The following EXOC7 variants were observed in gnomAD, a reference collection of about 807,000 sequenced individuals.
EXOC7 encodes the protein exocyst complex component Exo70.
Under a neutral mutation model 87.6 loss-of-function variants are expected in EXOC7, and 51 were observed. That is an observed-to-expected ratio of 0.58 (90% CI 0.46 to 0.73). The LOEUF is 0.73. Ranked by LOEUF, EXOC7 falls within the 30% of genes least tolerant of loss-of-function variation. EXOC7 has a pLI of 0.00. For synonymous variants in EXOC7, 327 were observed against 357.1 expected, an observed-to-expected ratio of 0.92 and a Z score of 0.95; for missense variants, 744 against 888.4, an observed-to-expected ratio of 0.84 and a Z score of 2.07.
rs973386279 is a variant in EXOC7 at position 76,088,506 on chromosome 17, G to A, written c.1257C>T (p.Thr419=). 2 of 1,614,092 alleles carry A rather than the reference G, an allele frequency of 1.2e-6. No individual in the cohort carries two copies. The highest frequency in any genetic ancestry group is 1.7e-6 in the Non-Finnish European group (2 of 1,180,002). The part of the protein sequence containing the change: ...KLPGLITSME[T]IGAKALEDFA... ...AGTCCTCCAGCGCTTTGGCACCGAT[G>A]GTCTCCATGGATGTGATGAGGCCAG... Residue 419 remains threonine (T), a synonymous_variant, in exon 10 of 19, where the codon ACC becomes ACT. Coordinates refer to ENST00000589210, the MANE Select transcript of EXOC7 (RefSeq NM_001013839.4).
At chr17:76,098,644 A>C (rs1278920826) in intron 4 of EXOC7, among the ~76,000 whole-genome samples, 1 of 150,644 alleles carries the variant, frequency 6.6e-6, no homozygotes, top group Non-Finnish European at 1.5e-5. Flanking sequence ...GGCAGATCAC[A>C]AGGTCAGGAG....
At chr17:76,095,031 G>A (rs2067683289) in intron 5 of EXOC7, among the ~76,000 whole-genome samples, 1 of 151,820 alleles carries the variant, frequency 6.6e-6, no homozygotes, top group Non-Finnish European at 1.5e-5. Context: ...TGTGATCTTG[G>A]CTCACCGCAA....
In EXOC7 at chr17:76,103,666, A is replaced by G. The variant is rs1434945744; in HGVS notation, c.27T>C (p.Ala9=). The G allele has an allele frequency of 1.2e-6, 2 of 1,613,116 alleles. No homozygotes were observed. The highest frequency in any genetic ancestry group is 1.7e-6 in the Non-Finnish European group (2 of 1,179,690). ...GCTTGTCCTCAATCTCCCGCCGTCG[A>G]GCGGATGCCTCCTGTGGGGGAATCA... MIPPQEAS[A]RRREIEDKLK... is the part of the protein sequence containing the mutation. Residue 9 remains alanine (A), a synonymous_variant, in exon 1 of 19, where the codon GCT becomes GCC. Transcript: ENST00000589210.
chr17:76,094,789 A>G (rs529894856), intron 5 of EXOC7, among the ~76,000 whole-genome samples: 1 of 150,086 alleles, frequency 6.7e-6, no homozygotes, highest in African/African-American at 2.5e-5. Flanking sequence ...TCTGTTGCCC[A>G]GGCTGCAGTG....
intron 2 of EXOC7, among the ~76,000 whole-genome samples, chr17:76,102,855 G>A (rs149692989): frequency 0.011 from 1,628 of 152,288 alleles, 30 homozygotes; most frequent in African/African-American, 0.037. Flanking sequence ...TGTTTTAGCA[G>A]ATGAATTCGC....
In EXOC7 at chr17:76,082,007, G is replaced by C; in HGVS notation, c.*1641C>G. ...CGGCCCCAGCCCAGCCCCGAGAGGGGAACAGCGAGAGCACGGCAACCCAGG... is the reference window on the plus strand; with the variant it reads ...CGGCCCCAGCCCAGCCCCGAGAGGGCAACAGCGAGAGCACGGCAACCCAGG... On this transcript the variant is annotated 3_prime_UTR_variant, in exon 19 of 19. Transcript: ENST00000589210. 6.2e-7 allele frequency: 1 copy of C among 1,611,542 alleles called. No individual in the cohort carries two copies. The highest frequency in any genetic ancestry group is 8.5e-7 in the Non-Finnish European group (1 of 1,179,480).
chr17:76,081,626 G>T lies in EXOC7; in HGVS notation c.*2022C>A, dbSNP rs146722649. ...GGCACTGCTGTTGGCTGACGTGTGC[G>T]GGGGGTTGCTGCCCCTCCGGGCCAT... On this transcript the variant is annotated 3_prime_UTR_variant, in exon 19 of 19. Transcript: ENST00000589210. The T allele has an allele frequency of 6.2e-7, 1 of 1,614,058 alleles. No homozygotes were observed.
At chr17:76,084,332 C>G (rs768862053) in intron 16 of EXOC7, 43 bp from the exon 17 acceptor site, 30 of 1,613,248 alleles carry the variant, frequency 1.9e-5, no homozygotes, top group Non-Finnish European at 2.5e-5. Context: ...CACTTCAGAG[C>G]AGAGCAGCCT....
chr17:76,098,182 G>A (rs2067875021), intron 4 of EXOC7, 164 bp from the exon 5 acceptor site: 1 of 603,768 alleles, frequency 1.7e-6, no homozygotes, highest in Non-Finnish European at 2.9e-6. Context: ...CTGTCACCAG[G>A]CTGGAGTGCA....
rs368762468 is a variant in EXOC7, at chr17:76,097,943, C to A, written c.493G>T (p.Val165Phe). ...AGATCCAAGATGAGCACGGGCGAGA[C>A]GACCTTACTGTGCCGCGTCATCAGG... Reference protein sequence around the residue: ...RSLMTRHSKVVSPVLILDLIS... With the variant: ...RSLMTRHSKVFSPVLILDLIS... Residue 165 changes from valine to phenylalanine, a missense_variant, in exon 5 of 19, where the codon GTC (valine) becomes TTC (phenylalanine). Val to Phe is a conservative substitution (Grantham distance 50, BLOSUM62 -1). This residue lies in a region of EXOC7 where 512 missense variants were observed against 573.0 expected (regional missense o/e 0.89). Transcript: ENST00000589210. 1.9e-6 allele frequency: 3 copies of A among 1,614,064 alleles called. No individual in the cohort carries two copies. Among genetic ancestry groups the A allele is most frequent in the Middle Eastern group, 1.6e-4 (1 of 6,062 alleles).
In EXOC7 at chr17:76,103,282, G is replaced by A. The variant is rs769240779; in HGVS notation, c.126+79C>T. Reference sequence around the variant, plus strand: ...CCCATTCCAGAACTCCAGGCCGCAGGAACCGGAACCGCCAGGTCGCAAGGC... The same window carrying A: ...CCCATTCCAGAACTCCAGGCCGCAGAAACCGGAACCGCCAGGTCGCAAGGC... On this transcript the variant is annotated intron_variant, in intron 2 of 18. Transcript: ENST00000589210. 621 of 1,367,870 alleles carry A rather than the reference G, an allele frequency of 4.5e-4. 3 individuals carry two copies. Among genetic ancestry groups the A allele is most frequent in the Middle Eastern group, 9.9e-4 (5 of 5,032 alleles). 84.7% of individuals were successfully genotyped at this position (1,367,870 alleles called of 1,614,324 possible).
chr17:76,103,309 C>T, intron 2 of EXOC7, 52 bp downstream of exon 2: 2 of 1,528,412 alleles, frequency 1.3e-6, no homozygotes, highest in Admixed American at 3.9e-5. Context: ...TCGCAAGGCT[C>T]TCCCCCAGGG....
chr17:76,095,607 A>T (rs1339939833), intron 5 of EXOC7, among the ~76,000 whole-genome samples: 1 of 152,234 alleles, frequency 6.6e-6, no homozygotes, highest in East Asian at 1.9e-4. Context: ...AAATTAAAAA[A>T]ATTAGAGGAC....
intron 2 of EXOC7, among the ~76,000 whole-genome samples, chr17:76,102,506 C>G (rs1265051612): frequency 6.6e-6 from 1 of 151,418 alleles, no homozygotes; most frequent in Non-Finnish European, 1.5e-5. Context: ...GCTAGGAGGC[C>G]GAGGCAGGAG....
chr17:76,096,937 C>A (rs904303615), intron 5 of EXOC7, among the ~76,000 whole-genome samples: 1 of 152,110 alleles, frequency 6.6e-6, no homozygotes, highest in Non-Finnish European at 1.5e-5. Context: ...GCAACCTCCA[C>A]CTCCCAGGCT....
rs564905386 is a variant in EXOC7, at chr17:76,081,517, G to A, written c.*2131C>T. 21 of 1,611,102 alleles carry A rather than the reference G, an allele frequency of 1.3e-5. No individual in the cohort carries two copies. Among genetic ancestry groups the A allele is most frequent in the African/African-American group, 6.7e-5 (5 of 75,020 alleles). ...GATGCCCACCTCCTTCCCCCCCGCC[G>A]GGAAGGCCCTGACTTTTCCCCTTCC... On this transcript the variant is annotated 3_prime_UTR_variant, in exon 19 of 19. Coordinates refer to ENST00000589210, the MANE Select transcript of EXOC7 (RefSeq NM_001013839.4).
Position 76,082,022 on chromosome 17 carries a change from G to A in EXOC7, c.*1626C>T, listed in dbSNP as rs758573179. Reference sequence around the variant, plus strand: ...CCCGAGAGGGGAACAGCGAGAGCACGGCAACCCAGGGCCTCATCCTGCTGA... The same window carrying A: ...CCCGAGAGGGGAACAGCGAGAGCACAGCAACCCAGGGCCTCATCCTGCTGA... On this transcript the variant is annotated 3_prime_UTR_variant, in exon 19 of 19. Transcript: ENST00000589210. 1.4e-5 allele frequency: 22 copies of A among 1,610,432 alleles called. No individual in the cohort carries two copies. Among genetic ancestry groups the A allele is most frequent in the African/African-American group, 4.0e-5 (3 of 74,812 alleles).
chr17:76,102,250 C>T (rs2068098769), intron 2 of EXOC7, among the ~76,000 whole-genome samples: 1 of 152,154 alleles, frequency 6.6e-6, no homozygotes, highest in South Asian at 2.1e-4. Flanking sequence ...GCTGTATCTT[C>T]AAAACCCTCT....
At chr17:76,090,171 C>T (rs1429341171) in intron 7 of EXOC7, 2 of 827,580 alleles carry the variant, frequency 2.4e-6, no homozygotes, top group Non-Finnish European at 3.7e-6. Context: ...GGCAAGGAGA[C>T]CTAGGCCCAA....
Sources: gnomAD v4.1 joint callset for allele counts (sites outside exome capture counted in the v4.1 genomes callset) on GRCh38, gnomAD v4.1.1 for gene constraint, gnomAD v4.1.1 regional missense constraint, MANE v1.5 for transcripts, NCBI Gene and HGNC (gene_info 2026-07-23, HGNC 2026-07-21) for gene names.